The following GINS1 variants were observed in gnomAD, a reference collection of about 807,000 sequenced individuals.
GINS1 encodes DNA replication complex GINS protein PSF1.
Under a neutral mutation model 34.9 loss-of-function variants are expected in GINS1, and 26 were observed. The observed-to-expected ratio is 0.74, with a 90% CI of 0.55 to 1.03. GINS1 has a LOEUF of 1.03. Ranked by LOEUF, GINS1 falls within the 50% of genes least tolerant of loss-of-function variation. GINS1 has a pLI of 0.00. For synonymous variants in GINS1, 97 were observed against 84.4 expected (o/e 1.15, Z -0.82); for missense variants, 235 against 237.9 (o/e 0.99, Z 0.08).
chr20:25,419,207 A>G (rs2090339304), intron 4 of GINS1, among the ~76,000 whole-genome samples: 1 of 152,218 alleles, frequency 6.6e-6, no homozygotes, highest in African/African-American at 2.4e-5. Context: ...CACTCAATAA[A>G]TGTTAACAGT....
intron 1 of GINS1, among the ~76,000 whole-genome samples, chr20:25,412,970 T>G (rs1311464573): frequency 1.3e-5 from 2 of 152,340 alleles, no homozygotes; most frequent in South Asian, 2.1e-4. Context: ...GGGAATCATT[T>G]CATGTAAACT....
In GINS1 at chr20:25,447,585, T is replaced by C. The variant is rs1323216596; in HGVS notation, c.*1594T>C. ...CAATACCATATTTGTATGTAGTGTA[T>C]GTAATTTTCTAATAATTCTTGAAAC... On this transcript the variant is annotated 3_prime_UTR_variant, in exon 7 of 7. Coordinates refer to ENST00000262460, the MANE Select transcript of GINS1 (RefSeq NM_021067.5). 2 of 152,238 alleles carry C rather than the reference T, an allele frequency of 1.3e-5. No individual in the cohort carries two copies. The highest frequency in any genetic ancestry group is 2.9e-5 in the Non-Finnish European group (2 of 68,044). 9.4% of individuals were successfully genotyped at this position (152,238 alleles called of 1,614,324 possible). A position where few individuals can be genotyped will look rare whatever the true frequency, so the allele number is the denominator to read the frequency against.
chr20:25,432,808 TTGTA>T (rs1300739523), intron 5 of GINS1, among the ~76,000 whole-genome samples: 3 of 149,912 alleles, frequency 2.0e-5, no homozygotes, highest in Non-Finnish European at 4.4e-5. Context: ...TTATATCTTC[TTGTA>T]TGTATTATAT....
intron 5 of GINS1, among the ~76,000 whole-genome samples, chr20:25,427,636 C>T (rs918013251): frequency 2.0e-5 from 3 of 152,088 alleles, no homozygotes; most frequent in Admixed American, 2.0e-4. Flanking sequence ...AAATAATTGG[C>T]CCCCTTTATG....
At chr20:25,422,286 T>C (rs775723068) in intron 4 of GINS1, among the ~76,000 whole-genome samples, 6 of 152,060 alleles carry the variant, frequency 3.9e-5, no homozygotes, top group Non-Finnish European at 7.4e-5. Context: ...TTTAAAAATC[T>C]TATTGCTCTG....
chr20:25,431,080 T>C (rs2090424421), intron 5 of GINS1, among the ~76,000 whole-genome samples: 1 of 152,170 alleles, frequency 6.6e-6, no homozygotes, highest in Non-Finnish European at 1.5e-5. Flanking sequence ...AGTGATTGAG[T>C]CCCCTTACTA....
rs567407219 is a variant in GINS1, at chr20:25,435,083, T to G, written c.448-6619T>G. On this transcript the variant is annotated intron_variant, in intron 5 of 6. Transcript: ENST00000262460. ...TTGGGGATGCATTCAGACATAGCAT[T>G]TACCTATATTGAGATCTTTATTTCT... Among the ~76,000 whole-genome samples, 3 of 152,340 alleles carry G rather than the reference T, an allele frequency of 2.0e-5. No homozygotes were observed. The South Asian group carries it at 6.2e-4, about 32-fold the overall frequency.
chr20:25,448,314 C>CTAT lies in GINS1; in HGVS notation c.*2325_*2327dup, dbSNP rs1457146128. 5 of 152,188 alleles carry CTAT rather than the reference C, an allele frequency of 3.3e-5. No individual in the cohort carries two copies. Among genetic ancestry groups the CTAT allele is most frequent in the African/African-American group, 1.2e-4 (5 of 41,448 alleles). The allele number at this position is 152,188 out of a possible 1,614,324, so 9.4% of individuals were successfully genotyped here. A position where few individuals can be genotyped will look rare whatever the true frequency, so the allele number is the denominator to read the frequency against. Reference sequence around the variant, plus strand: ...TTCCTAGGTATTAATGTTTTGTCTTCTATTTCTCTTAATAATCTTTTGTAG... The same window carrying CTAT: ...TTCCTAGGTATTAATGTTTTGTCTTCTATTATTTCTCTTAATAATCTTTTGTAG... On this transcript the variant is annotated 3_prime_UTR_variant, in exon 7 of 7. Transcript: ENST00000262460.
intron 5 of GINS1, among the ~76,000 whole-genome samples, chr20:25,432,900 T>G (rs1314039610): frequency 1.3e-5 from 2 of 148,770 alleles, no homozygotes; most frequent in African/African-American, 4.9e-5. Flanking sequence ...TTAATATATA[T>G]TCTATAATAT....
chr20:25,407,778 G>T lies in GINS1; in HGVS notation c.-43G>T. On this transcript the variant is annotated 5_prime_UTR_variant, in exon 1 of 7. Coordinates refer to ENST00000262460, the MANE Select transcript of GINS1 (RefSeq NM_021067.5). ...GAGCCCAGATACCATTTTGGCGTGA[G>T]AGCTGGTGGTTGGCAAGGCCGCGGG... is the stretch of plus-strand genomic sequence containing the variant. 6.7e-7 allele frequency: 1 copy of T among 1,498,496 alleles called. No individual in the cohort carries two copies. The highest frequency in any genetic ancestry group is 9.3e-7 in the Non-Finnish European group (1 of 1,075,242). The allele number at this position is 1,498,496 out of a possible 1,614,324, so 92.8% of individuals were successfully genotyped here.
chr20:25,421,208 T>C (rs1163567047), intron 4 of GINS1, among the ~76,000 whole-genome samples: 5 of 152,186 alleles, frequency 3.3e-5, no homozygotes, highest in Non-Finnish European at 7.3e-5. Flanking sequence ...TAATAGTAGT[T>C]ACATCATGGG....
chr20:25,412,853 C>G (rs1052220301), intron 1 of GINS1, among the ~76,000 whole-genome samples: 3 of 152,178 alleles, frequency 2.0e-5, no homozygotes, highest in African/African-American at 7.2e-5. Context: ...CTTTGCCCCC[C>G]TTTTGTAGCT....
rs1568810876 is a variant in GINS1, at chr20:25,441,721, A to G, written c.467A>G (p.Tyr156Cys). 6.4e-7 allele frequency: 1 copy of G among 1,565,026 alleles called. No homozygotes were observed. The highest frequency in any genetic ancestry group is 8.7e-7 in the Non-Finnish European group (1 of 1,144,086). Reference protein sequence around the residue: ...LYIEVRCLKDYGEFEVDDGTS... With the variant: ...LYIEVRCLKDCGEFEVDDGTS... The stretch of plus-strand genomic sequence containing the variant: ...TTTCAGGTCCGGTGTCTAAAAGACT[A>G]TGGAGAATTTGAAGTTGATGATGGC... The change falls in exon 6 of 7, where the codon TAT (tyrosine) becomes TGT (cysteine). Residue 156 changes from tyrosine to cysteine, a missense_variant. By Grantham distance (194) the Tyr-to-Cys change is radical. Transcript: ENST00000262460.
At chr20:25,414,666 C>A (rs1284179068) in intron 2 of GINS1, among the ~76,000 whole-genome samples, 4 of 151,996 alleles carry the variant, frequency 2.6e-5, no homozygotes, top group Non-Finnish European at 5.9e-5. Context: ...CGTTACTGCA[C>A]CCTAGCCTGG....
chr20:25,413,647 T>TA (rs1358566004), intron 1 of GINS1, 143 bp from the exon 2 acceptor site: 8 of 621,812 alleles, frequency 1.3e-5, no homozygotes, highest in South Asian at 1.9e-5. Flanking sequence ...CAACACTTGT[T>TA]ATAACCATGC....
intron 5 of GINS1, among the ~76,000 whole-genome samples, chr20:25,437,824 A>G (rs1289953974): frequency 6.6e-6 from 1 of 152,160 alleles, no homozygotes; most frequent in Non-Finnish European, 1.5e-5. Flanking sequence ...AGTTTTCAGA[A>G]TAAGAGAAAA....
At chr20:25,421,957 T>C (rs2090358047) in intron 4 of GINS1, among the ~76,000 whole-genome samples, 1 of 151,528 alleles carries the variant, frequency 6.6e-6, no homozygotes, top group Admixed American at 6.6e-5. Context: ...TACTTATCAA[T>C]ACAAAATATC....
rs1261850962 is a variant in GINS1 at position 25,446,936 on chromosome 20, C to G, written c.*945C>G. 1 of 151,340 alleles carries G rather than the reference C, an allele frequency of 6.6e-6. No individual in the cohort carries two copies. Among genetic ancestry groups the G allele is most frequent in the East Asian group, 1.9e-4 (1 of 5,188 alleles). The allele number at this position is 151,340 out of a possible 1,614,324, so 9.4% of individuals were successfully genotyped here. A position where few individuals can be genotyped will look rare whatever the true frequency, so the allele number is the denominator to read the frequency against. On this transcript the variant is annotated 3_prime_UTR_variant, in exon 7 of 7. Coordinates refer to ENST00000262460, the MANE Select transcript of GINS1 (RefSeq NM_021067.5). ...GCATCCGAGAAATCTTTTCCCATCC[C>G]AAGATCACAATTTTTTTTCCTTTTT... is the stretch of plus-strand genomic sequence containing the variant.
intron 4 of GINS1, among the ~76,000 whole-genome samples, chr20:25,423,378 C>T (rs2090368523): frequency 6.7e-6 from 1 of 149,514 alleles, no homozygotes; most frequent in South Asian, 2.1e-4. Flanking sequence ...TCTCCCAAAG[C>T]TGGGATTACA....
Sources: allele counts gnomAD v4.1 joint callset (sites outside exome capture counted in the v4.1 genomes callset), GRCh38; gene constraint gnomAD v4.1.1; transcripts MANE v1.5; gene names NCBI Gene and HGNC (gene_info 2026-07-23, HGNC 2026-07-21).